The following ZC3H14 variants were observed in gnomAD, a reference collection of about 807,000 sequenced individuals.
ZC3H14 encodes the protein zinc finger CCCH-type containing 14.
ZC3H14 carries 31 observed loss-of-function variants against 92.4 expected under a neutral mutation model. The observed-to-expected ratio is 0.34, with a 90% CI of 0.25 to 0.45. The LOEUF (loss-of-function observed/expected upper bound fraction) is 0.45, where lower values mean the gene tolerates loss of function less well. ZC3H14 is among the 20% of genes least tolerant of loss of function. The pLI, the probability that ZC3H14 is intolerant of heterozygous loss-of-function variation, is 1.00. For synonymous variants in ZC3H14, 321 were observed against 300.9 expected (o/e 1.07, Z -0.69); for missense variants, 781 against 897.3 (o/e 0.87, Z 1.66).
chr14:88,565,946 C>T (rs887870255), intron 2 of ZC3H14, among the ~76,000 whole-genome samples: 1 of 148,712 alleles, frequency 6.7e-6, no homozygotes, highest in Non-Finnish European at 1.5e-5. Context: ...TGGCTCACTG[C>T]AACCTCCGCC....
chr14:88,609,782 A>G lies in ZC3H14; in HGVS notation c.2076A>G (p.Glu692=), dbSNP rs1283836824. Residue 692 remains glutamate (E), a synonymous_variant, in exon 15 of 17, where the codon GAA becomes GAG. Transcript: ENST00000251038. ...CRYFPACKKM[E]CPFYHPKHCR... is the part of the protein sequence containing the mutation. Reference sequence around the variant, plus strand: ...ACTTCCCTGCTTGTAAGAAGATGGAATGTCCCTTCTATCATCCAAAAGTAA... The same window carrying G: ...ACTTCCCTGCTTGTAAGAAGATGGAGTGTCCCTTCTATCATCCAAAAGTAA... The G allele has an allele frequency of 1.9e-6, 3 of 1,614,008 alleles. No individual in the cohort carries two copies. The highest frequency in any genetic ancestry group is 2.5e-6 in the Non-Finnish European group (3 of 1,180,004).
intron 10 of ZC3H14, among the ~76,000 whole-genome samples, chr14:88,599,656 C>G (rs2084330287): frequency 6.8e-6 from 1 of 147,724 alleles, no homozygotes; most frequent in South Asian, 2.1e-4. Flanking sequence ...TTCTCATTCC[C>G]TTTCATTCTC....
rs2084713123 is a variant in ZC3H14, at chr14:88,601,995, G to A, written c.1426G>A (p.Glu476Lys). Reference protein sequence around the residue: ...SFILKKPKLSEEVVVAPNQES... With the variant: ...SFILKKPKLSKEVVVAPNQES... ...TATTCTGAAGAAGCCAAAGCTGTCT[G>A]AGGAAGTAGTAGTGGCACCAAACCA... Residue 476 changes from glutamate (E) to lysine (K), a missense_variant, in exon 11 of 17, where the codon GAG becomes AAG. Glu to Lys is a moderately conservative substitution (Grantham distance 56). Around this residue, in one of 3 missense-constraint regions of ZC3H14, gnomAD observed 454 missense variants for 438.5 expected, o/e 1.04. Coordinates refer to ENST00000251038, the MANE Select transcript of ZC3H14 (RefSeq NM_024824.5). 3 of 1,614,050 alleles carry A rather than the reference G, an allele frequency of 1.9e-6. No homozygotes were observed. The highest frequency in any genetic ancestry group is 2.5e-6 in the Non-Finnish European group (3 of 1,180,030).
intron 9 of ZC3H14, among the ~76,000 whole-genome samples, chr14:88,596,447 G>A (rs2083832443): frequency 6.6e-6 from 1 of 152,106 alleles, no homozygotes; most frequent in African/African-American, 2.4e-5. Context: ...CCACCCGTTT[G>A]CCACCTTTAC....
At position 88,616,658 on chromosome 14, in the gene ZC3H14, A is replaced by G. The variant is rs2087670203; in HGVS notation, c.*4907A>G. The G allele has an allele frequency of 2.1e-6, 3 of 1,401,706 alleles. No homozygotes were observed. The highest frequency in any genetic ancestry group is 2.9e-5 in the African/African-American group (2 of 69,606). The allele number at this position is 1,401,706 out of a possible 1,614,324, so 86.8% of individuals were successfully genotyped here. On this transcript the variant is annotated 3_prime_UTR_variant, in exon 17 of 17. Transcript: ENST00000251038. ...GACAAAACATTTTAAATATATGGGG[A>G]AAAGTGCTGATGATAAGACATCAAA... is the stretch of plus-strand genomic sequence containing the variant.
At chr14:88,567,757 T>G (rs1006741968) in intron 2 of ZC3H14, 2 of 423,012 alleles carry the variant, frequency 4.7e-6, no homozygotes, top group African/African-American at 4.1e-5. Flanking sequence ...TAAGCATTAT[T>G]AAAAAGATTC....
In ZC3H14 at chr14:88,582,606, C is replaced by T. The variant is rs115835035; in HGVS notation, c.1279+4466C>T. Reference sequence around the variant, plus strand: ...GAGAGGCTTCTGGGGTGGCAGATGACGTTCTCTCTTTTGACTTGGATGGTA... The same window carrying T: ...GAGAGGCTTCTGGGGTGGCAGATGATGTTCTCTCTTTTGACTTGGATGGTA... On this transcript the variant is annotated intron_variant, in intron 9 of 16. Transcript: ENST00000251038. Among the ~76,000 whole-genome samples the T allele has an allele frequency of 5.8e-3, 888 of 152,260 alleles. 8 individuals are homozygous for T. Among genetic ancestry groups the T allele is most frequent in the African/African-American group, 0.021 (863 of 41,540 alleles).
Position 88,617,268 on chromosome 14 carries a change from C to G in ZC3H14, c.*5517C>G, listed in dbSNP as rs2087799947. The G allele has an allele frequency of 6.3e-6, 1 of 159,688 alleles. No homozygotes were observed. Among genetic ancestry groups the G allele is most frequent in the African/African-American group, 2.4e-5 (1 of 41,472 alleles). The allele number at this position is 159,688 out of a possible 1,614,324, so 9.9% of individuals were successfully genotyped here. ...GTTCAAGCAATTCTCCTGCCTCAGC[C>G]TCCCGAGTAGCTGGGATCACAGGCA... On this transcript the variant is annotated 3_prime_UTR_variant, in exon 17 of 17. Coordinates refer to ENST00000251038, the MANE Select transcript of ZC3H14 (RefSeq NM_024824.5).
Position 88,578,135 on chromosome 14 carries a change from A to T in ZC3H14, c.1274A>T (p.Asn425Ile). The part of the protein sequence containing the change: ...EETKGDSVEK[N>I]QGTQQRQLLS... Reference sequence around the variant, plus strand: ...ACAAAAGGAGATTCTGTAGAAAAAAATCAAGGTAATAACTTAAATGATGTT... The same window carrying T: ...ACAAAAGGAGATTCTGTAGAAAAAATTCAAGGTAATAACTTAAATGATGTT... Residue 425 changes from asparagine to isoleucine, a missense_variant, in exon 9 of 17, where the codon AAT becomes ATT. By Grantham distance (149) the Asn-to-Ile change is moderately radical. Transcript: ENST00000251038. 6.2e-7 allele frequency: 1 copy of T among 1,614,060 alleles called. No homozygotes were observed. Among genetic ancestry groups the T allele is most frequent in the Middle Eastern group, 1.6e-4 (1 of 6,062 alleles).
chr14:88,618,198 T>C lies in ZC3H14; in HGVS notation c.*6447T>C. The C allele has an allele frequency of 6.3e-7, 1 of 1,593,178 alleles. No individual in the cohort carries two copies. The highest frequency in any genetic ancestry group is 8.6e-7 in the Non-Finnish European group (1 of 1,162,686). On this transcript the variant is annotated 3_prime_UTR_variant, in exon 17 of 17. Transcript: ENST00000251038. Reference sequence around the variant, plus strand: ...TTTTCTAACTGGCCTTCAAAGTCAGTTCTTGCCTTGTGAATATATAAGTAT... The same window carrying C: ...TTTTCTAACTGGCCTTCAAAGTCAGCTCTTGCCTTGTGAATATATAAGTAT...
chr14:88,567,786 T>C (rs1460708119), intron 2 of ZC3H14: 5 of 503,228 alleles, frequency 9.9e-6, no homozygotes, highest in African/African-American at 7.8e-5. Context: ...GAATGCATGC[T>C]CAAGTTTGAC....
In ZC3H14 at chr14:88,616,649, T is replaced by C; in HGVS notation, c.*4898T>C. On this transcript the variant is annotated 3_prime_UTR_variant, in exon 17 of 17. Transcript: ENST00000251038. ...AGAAATTAGGACAAAACATTTTAAA[T>C]ATATGGGGAAAAGTGCTGATGATAA... is the stretch of plus-strand genomic sequence containing the variant. The C allele has an allele frequency of 7.4e-7, 1 of 1,344,940 alleles. No homozygotes were observed. The highest frequency in any genetic ancestry group is 1.0e-6 in the Non-Finnish European group (1 of 1,002,272). 83.3% of individuals were successfully genotyped at this position (1,344,940 alleles called of 1,614,324 possible).
At chr14:88,565,948 A>G (rs1006300927) in intron 2 of ZC3H14, among the ~76,000 whole-genome samples, 4 of 135,672 alleles carry the variant, frequency 2.9e-5, no homozygotes, top group African/African-American at 8.0e-5. Context: ...GCTCACTGCA[A>G]CCTCCGCCTC....
At chr14:88,572,491 TGAAA>T in intron 5 of ZC3H14, 83 bp from the exon 6 acceptor site, 2 of 1,535,644 alleles carry the variant, frequency 1.3e-6, no homozygotes, top group South Asian at 1.2e-5. Context: ...GTTTTTTCAT[TGAAA>T]TTTTTCAAGT....
intron 9 of ZC3H14, chr14:88,594,648 A>G: frequency 6.2e-7 from 1 of 1,608,682 alleles, no homozygotes; most frequent in East Asian, 2.2e-5. Flanking sequence ...GAAATAACTT[A>G]ATGAGCTGTG....
At chr14:88,590,423 G>C (rs1286462842) in intron 9 of ZC3H14, 1 of 152,970 alleles carries the variant, frequency 6.5e-6, no homozygotes, top group African/African-American at 2.4e-5. Flanking sequence ...CTGCACACTG[G>C]CCTGCTTGTC....
At chr14:88,573,229 A>T (rs1179719139) in intron 6 of ZC3H14, among the ~76,000 whole-genome samples, 9 of 151,634 alleles carry the variant, frequency 5.9e-5, no homozygotes, top group Non-Finnish European at 1.2e-4. Context: ...AAATACAAAA[A>T]ATTAGCCAGG....
chr14:88,582,471 A>G (rs2082013395), intron 9 of ZC3H14, among the ~76,000 whole-genome samples: 1 of 152,224 alleles, frequency 6.6e-6, no homozygotes, highest in Admixed American at 6.5e-5. Context: ...ATTAAATTGT[A>G]GTGGCTAGGG....
intron 10 of ZC3H14, 126 bp from the exon 11 acceptor site, chr14:88,601,798 C>A (rs1331050527): frequency 1.7e-6 from 2 of 1,144,832 alleles, no homozygotes; most frequent in Non-Finnish European, 2.5e-6. Flanking sequence ...CTGAGTGGAA[C>A]CAGTTGTGAT....
Sources: allele counts gnomAD v4.1 joint callset (sites outside exome capture counted in the v4.1 genomes callset), GRCh38; gene constraint gnomAD v4.1.1; regional missense constraint gnomAD v4.1.1; transcripts MANE v1.5; gene names NCBI Gene and HGNC (gene_info 2026-07-23, HGNC 2026-07-21).